The following DLEU7 variants were observed in gnomAD, a reference collection of about 807,000 sequenced individuals.
DLEU7 encodes leukemia-associated protein 7.
In DLEU7, 17 loss-of-function variants were observed where a neutral mutation model predicts 16.0. The observed-to-expected ratio is 1.06, with a 90% confidence interval of 0.73 to 1.59. The LOEUF (loss-of-function observed/expected upper bound fraction) is 1.59, where lower values mean the gene tolerates loss of function less well. Among genes scored for constraint, DLEU7 ranks in the 40% most tolerant of loss-of-function variants. The probability of loss-of-function intolerance (pLI) is 0.00; values close to 1 mark genes in which losing one functional copy is unlikely to be tolerated. For synonymous variants in DLEU7, 113 were observed against 139.8 expected, an observed-to-expected ratio of 0.81 and a Z score of 1.35; for missense variants, 308 against 314.9, an observed-to-expected ratio of 0.98 and a Z score of 0.17.
chr13:50,767,287 C>T (rs1412908027), intron 1 of DLEU7, among the ~76,000 whole-genome samples: 3 of 152,022 alleles, frequency 2.0e-5, no homozygotes, highest in Non-Finnish European at 4.4e-5. Context: ...AACCCCGACT[C>T]TACTAAAAAA....
chr13:50,735,001 C>T (rs1270595936), intron 1 of DLEU7, among the ~76,000 whole-genome samples: 1 of 152,018 alleles, frequency 6.6e-6, no homozygotes, highest in African/African-American at 2.4e-5. Context: ...GCTGTCATGA[C>T]TATATTAACA....
At chr13:50,813,314 A>G (rs934616526) in intron 1 of DLEU7, among the ~76,000 whole-genome samples, 1 of 152,162 alleles carries the variant, frequency 6.6e-6, no homozygotes, top group African/African-American at 2.4e-5. Flanking sequence ...TATCCAATAT[A>G]TATACACTTA....
chr13:50,803,251 C>T (rs1342568858), intron 1 of DLEU7, among the ~76,000 whole-genome samples: 1 of 152,166 alleles, frequency 6.6e-6, no homozygotes, highest in African/African-American at 2.4e-5. Context: ...ACTCACTCTC[C>T]CCTTCCTCAT....
At chr13:50,842,879 G>A (rs1012373539) in intron 1 of DLEU7, among the ~76,000 whole-genome samples, 11 of 152,146 alleles carry the variant, frequency 7.2e-5, no homozygotes, top group African/African-American at 2.7e-4. Context: ...GTGTGGAAAG[G>A]GCCTTTCTAG....
At chr13:50,818,458 CGTAA>C (rs1566261893), downstream of DLEU7, 2 of 152,060 alleles carry the variant, frequency 1.3e-5, no homozygotes, top group African/African-American at 2.4e-5. Context: ...TACCAAAAAA[CGTAA>C]GTGACTAACC....
intron 1 of DLEU7, among the ~76,000 whole-genome samples, chr13:50,716,835 A>T (rs1225405209): frequency 6.6e-6 from 1 of 152,200 alleles, no homozygotes; most frequent in East Asian, 1.9e-4. Flanking sequence ...TTAATGGACT[A>T]TTTTTTGAAA....
chr13:50,825,367 T>A (rs959465342), intron 1 of DLEU7, among the ~76,000 whole-genome samples: 2 of 152,158 alleles, frequency 1.3e-5, no homozygotes, highest in Non-Finnish European at 2.9e-5. Context: ...AGAAACTAAT[T>A]TCTAATACTT....
intron 1 of DLEU7, among the ~76,000 whole-genome samples, chr13:50,835,737 G>A (rs1877436982): frequency 6.6e-6 from 1 of 152,218 alleles, no homozygotes; most frequent in Admixed American, 6.5e-5. Flanking sequence ...CCGCCACACT[G>A]TGTACTTTTC....
At chr13:50,711,773 G>GGGGT (rs1873294850), downstream of DLEU7, 1 of 26,720 alleles carries the variant, frequency 3.7e-5, no homozygotes, top group East Asian at 4.9e-3. Context: ...ACCCAGTGGC[G>GGGGT]GGGGCGGGGG....
At chr13:50,826,937 A>G (rs1463566663) in intron 1 of DLEU7, among the ~76,000 whole-genome samples, 1 of 152,160 alleles carries the variant, frequency 6.6e-6, no homozygotes, top group East Asian at 1.9e-4. Context: ...TCAGGGAAAA[A>G]TAAATATGCT....
intron 1 of DLEU7, among the ~76,000 whole-genome samples, chr13:50,798,996 G>A (rs1381291400): frequency 1.3e-5 from 2 of 152,150 alleles, no homozygotes; most frequent in African/African-American, 4.8e-5. Context: ...CTTTCTCCTG[G>A]AAGTGAGGAT....
exon 2 of DLEU7, chr13:50,712,570 T>C (rs572676540): frequency 2.0e-5 from 3 of 152,802 alleles, no homozygotes; most frequent in South Asian, 4.1e-4. Context: ...ACTTGAACAG[T>C]TGGTGTTTAC....
intron 1 of DLEU7, among the ~76,000 whole-genome samples, chr13:50,816,293 T>C (rs1017509517): frequency 6.6e-6 from 1 of 152,170 alleles, no homozygotes; most frequent in Non-Finnish European, 1.5e-5. Flanking sequence ...CTATTCCCTC[T>C]GAGTATGCCA....
intron 1 of DLEU7, among the ~76,000 whole-genome samples, chr13:50,765,482 A>G (rs1593548946): frequency 6.6e-6 from 1 of 152,106 alleles, no homozygotes; most frequent in East Asian, 1.9e-4. Context: ...GGAAGTTTGG[A>G]AGAGGCTGGA....
chr13:50,773,604 G>GCAGAACAGCAAATATTA (rs1432141813), intron 1 of DLEU7, among the ~76,000 whole-genome samples: 1 of 152,198 alleles, frequency 6.6e-6, no homozygotes, highest in African/African-American at 2.4e-5. Context: ...AGCAGAGGCT[G>GCAGAACAGCAAATATTA]CAGAACAGCA....
chr13:50,829,652 A>G (rs1001692401), intron 1 of DLEU7, among the ~76,000 whole-genome samples: 1 of 152,230 alleles, frequency 6.6e-6, no homozygotes, highest in South Asian at 2.1e-4. Flanking sequence ...AAGCTTTGCA[A>G]ACTCACTTTA....
chr13:50,797,345 A>G (rs558835002), intron 1 of DLEU7, among the ~76,000 whole-genome samples: 21 of 152,214 alleles, frequency 1.4e-4, no homozygotes, highest in Non-Finnish European at 2.1e-4. Flanking sequence ...GCCAAAGTCA[A>G]TCTTGAGAGA....
chr13:50,803,421 C>A (rs1380407536), intron 1 of DLEU7, among the ~76,000 whole-genome samples: 5 of 152,058 alleles, frequency 3.3e-5, no homozygotes, highest in Non-Finnish European at 7.4e-5. Flanking sequence ...ATAATTCTCT[C>A]TATATTAGAA....
chr13:50,755,170 G>T (rs552479630), intron 1 of DLEU7, among the ~76,000 whole-genome samples: 1 of 152,288 alleles, frequency 6.6e-6, no homozygotes, highest in African/African-American at 2.4e-5. Context: ...ATGTGTGTAG[G>T]TGATGATCTT....
Sources: gnomAD v4.1 joint callset for allele counts (sites outside exome capture counted in the v4.1 genomes callset) on GRCh38, gnomAD v4.1.1 for gene constraint, MANE v1.5 for transcripts, NCBI Gene and HGNC (gene_info 2026-07-23, HGNC 2026-07-21) for gene names.